NAPB: variants seen among roughly 807,000 people sequenced by gnomAD.
NAPB encodes beta-soluble NSF attachment protein.
In NAPB, 26 loss-of-function variants were observed where a neutral mutation model predicts 44.7. The observed-to-expected ratio is 0.58, with a 90% confidence interval of 0.43 to 0.81. The LOEUF is 0.81. Ranked by LOEUF, NAPB falls within the 30% of genes least tolerant of loss-of-function variation. NAPB has a pLI of 0.00. For missense variants in NAPB, 315 were observed against 356.4 expected (o/e 0.88, Z 0.94); for synonymous variants, 120 against 116.8 (o/e 1.03, Z -0.18).
chr20:23,399,139 G>A (rs1243646759), intron 2 of NAPB, among the ~76,000 whole-genome samples: 1 of 152,064 alleles, frequency 6.6e-6, no homozygotes, highest in East Asian at 1.9e-4. Flanking sequence ...TTCAATTCTT[G>A]CTCTGTACCA....
intron 1 of NAPB, among the ~76,000 whole-genome samples, chr20:23,409,379 T>C (rs914204371): frequency 6.6e-6 from 1 of 152,218 alleles, no homozygotes; most frequent in Non-Finnish European, 1.5e-5. Flanking sequence ...TGAGAACAAG[T>C]ATAACAAAGA....
At chr20:23,384,137 C>T (rs1408534975) in intron 7 of NAPB, among the ~76,000 whole-genome samples, 1 of 152,090 alleles carries the variant, frequency 6.6e-6, no homozygotes, top group Non-Finnish European at 1.5e-5. Flanking sequence ...AAATGAAAGG[C>T]AGACTTTTTT....
In NAPB at chr20:23,377,491, T is replaced by G; in HGVS notation, c.787-5A>C. 1 of 1,578,394 alleles carries G rather than the reference T, an allele frequency of 6.3e-7. No individual in the cohort carries two copies. Among genetic ancestry groups the G allele is most frequent in the South Asian group, 1.2e-5 (1 of 86,180 alleles). On this transcript the variant is annotated splice_region_variant and splice_polypyrimidine_tract_variant and intron_variant, in intron 10 of 10. Coordinates refer to ENST00000377026, the MANE Select transcript of NAPB (RefSeq NM_022080.3). Reference sequence around the variant, plus strand: ...TATTGAGTCAAATTCCTTCACCTAGTATAAGGAAAGAGGAACAGGAATTAC... The same window carrying G: ...TATTGAGTCAAATTCCTTCACCTAGGATAAGGAAAGAGGAACAGGAATTAC...
intron 1 of NAPB, 77 bp downstream of exon 1, chr20:23,421,228 C>T (rs539312198): frequency 7.7e-7 from 1 of 1,303,458 alleles, no homozygotes; most frequent in Non-Finnish European, 1.1e-6. Flanking sequence ...GTGGGGGACT[C>T]GGGGGGTCAG....
chr20:23,384,578 C>T (rs1983322101), intron 7 of NAPB, among the ~76,000 whole-genome samples: 1 of 151,192 alleles, frequency 6.6e-6, no homozygotes, highest in African/African-American at 2.4e-5. Context: ...GCCAGGGTCG[C>T]ACCATTTCCC....
At chr20:23,418,664 G>T (rs1022138261) in intron 1 of NAPB, among the ~76,000 whole-genome samples, 2 of 152,010 alleles carry the variant, frequency 1.3e-5, no homozygotes, top group African/African-American at 4.8e-5. Flanking sequence ...GAGGCTGGGC[G>T]TGCTGGCTCA....
chr20:23,380,417 T>C (rs1305294421), intron 8 of NAPB, among the ~76,000 whole-genome samples: 1 of 152,218 alleles, frequency 6.6e-6, no homozygotes. Flanking sequence ...TTCAACTTCT[T>C]CCCAGTCCTC....
intron 1 of NAPB, 46 bp downstream of exon 1, chr20:23,421,258 AG>A: frequency 7.2e-7 from 1 of 1,394,972 alleles, no homozygotes; most frequent in East Asian, 2.8e-5. Context: ...AAGGGGGCCA[AG>A]TACGGAGACC....
At chr20:23,393,456 G>A (rs1006226501) in intron 5 of NAPB, among the ~76,000 whole-genome samples, 2 of 152,132 alleles carry the variant, frequency 1.3e-5, no homozygotes, top group African/African-American at 4.8e-5. Context: ...TCCTTCCCCA[G>A]ACCAGGAAGA....
chr20:23,390,863 A>G (rs1006588131), intron 5 of NAPB, among the ~76,000 whole-genome samples: 6 of 152,194 alleles, frequency 3.9e-5, no homozygotes, highest in Non-Finnish European at 7.3e-5. Context: ...TACACACACT[A>G]ATACCTTAAG....
At position 23,377,134 on chromosome 20, in the gene NAPB, T is replaced by C. The variant is rs1407330123; in HGVS notation, c.*242A>G. The C allele has an allele frequency of 7.0e-6, 2 of 285,038 alleles. No homozygotes were observed. The highest frequency in any genetic ancestry group is 1.3e-5 in the Non-Finnish European group (2 of 153,644). 17.7% of individuals were successfully genotyped at this position (285,038 alleles called of 1,614,324 possible). ...TATGAGGAATGAGATTCTGAAGTAC[T>C]TCTCAGAAAACGCTGGGGGTTCTGA... On this transcript the variant is annotated 3_prime_UTR_variant, in exon 11 of 11. Coordinates refer to ENST00000377026, the MANE Select transcript of NAPB (RefSeq NM_022080.3).
chr20:23,398,175 A>G (rs1330547992), intron 2 of NAPB, among the ~76,000 whole-genome samples: 1 of 152,214 alleles, frequency 6.6e-6, no homozygotes, highest in Non-Finnish European at 1.5e-5. Flanking sequence ...AACACAGCAG[A>G]GTGCCTCTGA....
At chr20:23,382,716 GAGGAA>G (rs1983116294) in intron 7 of NAPB, among the ~76,000 whole-genome samples, 1 of 151,374 alleles carries the variant, frequency 6.6e-6, no homozygotes, top group Non-Finnish European at 1.5e-5. Flanking sequence ...GAAAGGGACA[GAGGAA>G]AGAAGCACTA....
At chr20:23,412,529 C>G (rs977490838) in intron 1 of NAPB, among the ~76,000 whole-genome samples, 2 of 151,990 alleles carry the variant, frequency 1.3e-5, no homozygotes, top group African/African-American at 2.4e-5. Context: ...CACAGTAGCC[C>G]CCTTTATAAA....
chr20:23,381,274 G>A lies in NAPB; in HGVS notation c.605C>T (p.Ala202Val), dbSNP rs751228188. 5.2e-5 allele frequency: 83 copies of A among 1,609,906 alleles called. No homozygotes were observed. Among genetic ancestry groups the A allele is most frequent in the Non-Finnish European group, 4.0e-5 (47 of 1,178,538 alleles). The change falls in exon 8 of 11, where the codon GCA (alanine) becomes GTA (valine). Residue 202 changes from alanine to valine, a missense_variant. Around this residue, in one of 3 missense-constraint regions of NAPB, gnomAD observed 120 missense variants for 130.5 expected, o/e 0.92. Transcript: ENST00000377026. ...GGCAGCTTTGAAGAAGTAATCCTTT[G>A]CACTGTATTTCAACAAAGGATTATC... is the stretch of plus-strand genomic sequence containing the variant. ...TMDNPLLKYS[A>V]KDYFFKAALC... is the part of the protein sequence containing the mutation.
intron 1 of NAPB, among the ~76,000 whole-genome samples, chr20:23,409,509 C>A (rs1985499809): frequency 1.3e-5 from 2 of 152,102 alleles, no homozygotes; most frequent in African/African-American, 4.8e-5. Context: ...ACAAAACAAA[C>A]ATATTTAAAT....
intron 2 of NAPB, among the ~76,000 whole-genome samples, chr20:23,399,402 C>T (rs879504448): frequency 2.0e-5 from 3 of 152,118 alleles, no homozygotes; most frequent in Admixed American, 1.3e-4. Context: ...CCTTCCACCA[C>T]GTGAGGACAT....
chr20:23,416,216 T>C (rs1985995410), intron 1 of NAPB, among the ~76,000 whole-genome samples: 1 of 151,964 alleles, frequency 6.6e-6, no homozygotes, highest in Non-Finnish European at 1.5e-5. Flanking sequence ...TGGCCCTCCC[T>C]CTCTCCAGAG....
At chr20:23,387,134 CAT>C (rs1048474577) in intron 7 of NAPB, among the ~76,000 whole-genome samples, 3 of 152,054 alleles carry the variant, frequency 2.0e-5, no homozygotes, top group African/African-American at 4.8e-5. Context: ...GGACAAAAAT[CAT>C]ATGTTTATCT....
Sources: gnomAD v4.1 joint callset for allele counts (sites outside exome capture counted in the v4.1 genomes callset) on GRCh38, gnomAD v4.1.1 for gene constraint, gnomAD v4.1.1 regional missense constraint, MANE v1.5 for transcripts, NCBI Gene and HGNC (gene_info 2026-07-23, HGNC 2026-07-21) for gene names.